Variants in CDH18 observed in about 807,000 individuals in gnomAD.
The protein encoded by CDH18 is cadherin-18.
Under a neutral mutation model 67.9 loss-of-function variants are expected in CDH18, and 31 were observed. The observed-to-expected ratio is 0.46, with a 90% confidence interval of 0.34 to 0.62. CDH18 has a LOEUF of 0.62. CDH18 is among the 20% of genes least tolerant of loss of function. The pLI, the probability that CDH18 is intolerant of heterozygous loss-of-function variation, is 0.01. For synonymous variants in CDH18, 362 were observed against 347.2 expected (o/e 1.04, Z -0.48); for missense variants, 890 against 975.5 (o/e 0.91, Z 1.17).
intron 2 of CDH18, among the ~76,000 whole-genome samples, chr5:20,150,005 T>C (rs1449453230): frequency 6.6e-6 from 1 of 152,172 alleles, no homozygotes; most frequent in Non-Finnish European, 1.5e-5. Flanking sequence ...TGAACACATG[T>C]TATAATTAAC....
intron 1 of CDH18, among the ~76,000 whole-genome samples, chr5:20,474,609 G>A (rs906866836): frequency 1.3e-5 from 2 of 152,058 alleles, no homozygotes; most frequent in South Asian, 2.1e-4. Context: ...TTGACCTGCA[G>A]AGAAAAATAA....
intron 1 of CDH18, among the ~76,000 whole-genome samples, chr5:20,388,945 A>G (rs1214889076): frequency 2.0e-5 from 3 of 152,046 alleles, no homozygotes; most frequent in Non-Finnish European, 4.4e-5. Flanking sequence ...GTTTTTTCAC[A>G]TTTGCTGAGG....
intron 1 of CDH18, among the ~76,000 whole-genome samples, chr5:20,412,752 C>T (rs1409939468): frequency 6.6e-6 from 1 of 152,158 alleles, no homozygotes; most frequent in Non-Finnish European, 1.5e-5. Context: ...CACTAACCAT[C>T]AGAGAAATTC....
At chr5:20,375,026 T>A (rs900772585) in intron 1 of CDH18, among the ~76,000 whole-genome samples, 4 of 152,170 alleles carry the variant, frequency 2.6e-5, no homozygotes, top group Non-Finnish European at 5.9e-5. Flanking sequence ...ATTGTTTAGT[T>A]ACATTAATTT....
intron 9 of CDH18, among the ~76,000 whole-genome samples, chr5:19,538,419 T>C (rs77590041): frequency 0.021 from 3,250 of 152,282 alleles, 94 homozygotes; most frequent in African/African-American, 0.073. Context: ...ACTTAGAAAG[T>C]ACTTTTTCCC....
chr5:20,074,265 G>T (rs978903851), intron 2 of CDH18, among the ~76,000 whole-genome samples: 16 of 152,026 alleles, frequency 1.1e-4, no homozygotes, highest in Admixed American at 5.2e-4. Flanking sequence ...AAGTTCTTCT[G>T]TGTGTATGAT....
chr5:20,570,353 T>C (rs1373860795), intron 1 of CDH18, among the ~76,000 whole-genome samples: 1 of 148,576 alleles, frequency 6.7e-6, no homozygotes, highest in East Asian at 2.0e-4. Flanking sequence ...GTCTGTTCAT[T>C]AAAAAAAAAA....
At chr5:20,550,945 C>G (rs1757601064) in intron 1 of CDH18, among the ~76,000 whole-genome samples, 1 of 152,102 alleles carries the variant, frequency 6.6e-6, no homozygotes, top group African/African-American at 2.4e-5. Context: ...GAGGTGGGAG[C>G]AGTTGCCAAT....
chr5:19,932,927 T>C (rs1793860466), intron 2 of CDH18, among the ~76,000 whole-genome samples: 1 of 151,624 alleles, frequency 6.6e-6, no homozygotes, highest in African/African-American at 2.4e-5. Context: ...ATCCACATAG[T>C]AATTTTTACT....
chr5:20,308,881 G>A (rs1736732792), intron 1 of CDH18, among the ~76,000 whole-genome samples: 1 of 152,098 alleles, frequency 6.6e-6, no homozygotes, highest in East Asian at 1.9e-4. Flanking sequence ...GCATTTTGTT[G>A]TATGTAAAAC....
chr5:20,214,614 G>A (rs532931059), intron 2 of CDH18, among the ~76,000 whole-genome samples: 1 of 152,112 alleles, frequency 6.6e-6, no homozygotes, highest in South Asian at 2.1e-4. Context: ...GTCAATAAAT[G>A]GTGCTAGGAT....
At chr5:19,834,215 T>C (rs1781370081) in intron 3 of CDH18, among the ~76,000 whole-genome samples, 1 of 151,792 alleles carries the variant, frequency 6.6e-6, no homozygotes, top group Non-Finnish European at 1.5e-5. Flanking sequence ...TTGTTTTTGG[T>C]CTATTCAGGG....
intron 1 of CDH18, among the ~76,000 whole-genome samples, chr5:20,274,539 T>G (rs1473682253): frequency 6.6e-6 from 1 of 152,136 alleles, no homozygotes; most frequent in Non-Finnish European, 1.5e-5. Flanking sequence ...ATTTTTGCAA[T>G]GGCCTTCATA....
At chr5:19,677,459 C>T (rs1759658970) in intron 5 of CDH18, among the ~76,000 whole-genome samples, 1 of 151,952 alleles carries the variant, frequency 6.6e-6, no homozygotes. Flanking sequence ...CACAAAAACA[C>T]ATTTAAGTAC....
intron 5 of CDH18, among the ~76,000 whole-genome samples, chr5:19,705,262 T>C (rs1427094864): frequency 6.6e-6 from 1 of 152,184 alleles, no homozygotes; most frequent in Non-Finnish European, 1.5e-5. Context: ...TGGACAAAAT[T>C]CAGACTACTA....
intron 1 of CDH18, among the ~76,000 whole-genome samples, chr5:20,474,224 C>A (rs1309733732): frequency 3.3e-5 from 5 of 151,996 alleles, no homozygotes; most frequent in Non-Finnish European, 7.4e-5. Context: ...TGCAGTGAGC[C>A]GAGATCCCGC....
intron 2 of CDH18, among the ~76,000 whole-genome samples, chr5:20,053,736 T>A (rs1741651710): frequency 6.6e-6 from 1 of 152,100 alleles, no homozygotes; most frequent in Admixed American, 6.6e-5. Context: ...AAAATGAATA[T>A]TTTGGTTTCT....
chr5:20,366,095 A>G (rs557178695), intron 1 of CDH18, among the ~76,000 whole-genome samples: 1 of 152,306 alleles, frequency 6.6e-6, no homozygotes, highest in South Asian at 2.1e-4. Context: ...ATCAGAGGTG[A>G]TGTAAATAGA....
At chr5:19,541,365 T>C (rs1750247166) in intron 9 of CDH18, among the ~76,000 whole-genome samples, 1 of 151,960 alleles carries the variant, frequency 6.6e-6, no homozygotes, top group Non-Finnish European at 1.5e-5. Context: ...TTTTATCTTC[T>C]TCTGAGCCCT....
Sources: gnomAD v4.1 joint callset for allele counts (sites outside exome capture counted in the v4.1 genomes callset) on GRCh38, gnomAD v4.1.1 for gene constraint, MANE v1.5 for transcripts, NCBI Gene and HGNC (gene_info 2026-07-23, HGNC 2026-07-21) for gene names.